The following CSMD1 variants were observed in gnomAD, a reference collection of about 807,000 sequenced individuals.
CSMD1 encodes CUB and Sushi multiple domains 1.
A neutral mutation model predicts 417.5 loss-of-function variants in CSMD1; 213 were observed. The ratio of observed to expected loss-of-function variants is 0.51; its 90% CI spans 0.46 to 0.57. The LOEUF (loss-of-function observed/expected upper bound fraction) is 0.57. Among genes scored for constraint, CSMD1 ranks in the 20% least tolerant of loss-of-function variants. CSMD1 has a pLI of 0.00. For synonymous variants in CSMD1, 2,862 were observed against 1,736.8 expected (o/e 1.65, Z -16.11); for missense variants, 6,923 against 4,529.7 (o/e 1.53, Z -15.17).
intron 3 of CSMD1, among the ~76,000 whole-genome samples, chr8:4,396,138 G>C (rs1258149010): frequency 1.3e-5 from 2 of 152,078 alleles, no homozygotes; most frequent in Non-Finnish European, 2.9e-5. Context: ...GGGAATGTAT[G>C]CTAAATATAG....
At chr8:3,316,551 G>A (rs536203384) in intron 23 of CSMD1, among the ~76,000 whole-genome samples, 14 of 152,136 alleles carry the variant, frequency 9.2e-5, no homozygotes, top group Non-Finnish European at 1.9e-4. Flanking sequence ...GGTTTGAGCA[G>A]GTCTAGGGGC....
At chr8:3,358,826 C>T (rs1036754795) in intron 21 of CSMD1, among the ~76,000 whole-genome samples, 2 of 151,356 alleles carry the variant, frequency 1.3e-5, no homozygotes, top group Non-Finnish European at 2.9e-5. Flanking sequence ...TTCTATCTTC[C>T]AGTTTTTCTT....
chr8:4,053,958 C>G (rs10503230), intron 3 of CSMD1, among the ~76,000 whole-genome samples: 2 of 152,156 alleles, frequency 1.3e-5, no homozygotes, highest in Non-Finnish European at 2.9e-5. Flanking sequence ...TTCTTTATTA[C>G]CGTGCATTCA....
intron 1 of CSMD1, among the ~76,000 whole-genome samples, chr8:4,929,029 C>A (rs2117180975): frequency 6.6e-6 from 1 of 152,244 alleles, no homozygotes; most frequent in Non-Finnish European, 1.5e-5. Context: ...CGAGATTGCA[C>A]CACTGCATTC....
intron 66 of CSMD1, 102 bp from the exon 67 acceptor site, chr8:2,950,445 C>A: frequency 1.4e-6 from 1 of 700,956 alleles, no homozygotes; most frequent in Non-Finnish European, 2.6e-6. Flanking sequence ...ATAATATCAT[C>A]GATAATAGAA....
chr8:3,083,734 C>T (rs575201808), intron 49 of CSMD1, among the ~76,000 whole-genome samples: 1 of 138,322 alleles, frequency 7.2e-6, no homozygotes, highest in South Asian at 2.4e-4. Flanking sequence ...CGGCTCACTG[C>T]AGCCTCTGCC....
chr8:4,919,439 AG>A (rs1806290144), intron 1 of CSMD1, among the ~76,000 whole-genome samples: 1 of 152,220 alleles, frequency 6.6e-6, no homozygotes, highest in Non-Finnish European at 1.5e-5. Flanking sequence ...ACAAAAATTA[AG>A]GGGGATTTAA....
chr8:4,965,287 T>C (rs62489443), intron 1 of CSMD1, among the ~76,000 whole-genome samples: 21,519 of 152,240 alleles, frequency 0.14, 1,872 homozygotes, highest in Middle Eastern at 0.25. Context: ...TGAGTACTTA[T>C]TGTGTATCAG....
chr8:3,956,918 G>T (rs34177648), intron 5 of CSMD1, among the ~76,000 whole-genome samples: 69,048 of 151,874 alleles, frequency 0.45, 16,495 homozygotes, highest in East Asian at 0.73. Context: ...AAACACTAAA[G>T]GCTATTTTCA....
chr8:4,072,037 G>T lies in CSMD1; in HGVS notation c.416-39938C>A, dbSNP rs187420857. ...GTTTTGCTGGTTCAGAAAGAAAGTG[G>T]ATGTTAGGATAGAGTTTTGGTTTTG... On this transcript the variant is annotated intron_variant, in intron 3 of 69. Coordinates refer to ENST00000635120, the MANE Select transcript of CSMD1 (RefSeq NM_033225.6). 1.9e-4 allele frequency among the ~76,000 whole-genome samples: 29 copies of T among 152,272 alleles called. No homozygotes were observed. In the Middle Eastern group the frequency reaches 0.01, roughly 54 times the overall value.
chr8:4,047,257 G>C (rs764324769), intron 3 of CSMD1, among the ~76,000 whole-genome samples: 2 of 152,100 alleles, frequency 1.3e-5, no homozygotes, highest in Non-Finnish European at 2.9e-5. Context: ...TAAGTGGTAG[G>C]CACATGTATT....
chr8:3,109,795 C>T, intron 43 of CSMD1, among the ~76,000 whole-genome samples: 1 of 151,704 alleles, frequency 6.6e-6, no homozygotes, highest in East Asian at 1.9e-4. Context: ...ACACCACACA[C>T]ACAAACACAC....
chr8:3,554,306 TCAA>T (rs1445403908), intron 10 of CSMD1, among the ~76,000 whole-genome samples: 8 of 152,216 alleles, frequency 5.3e-5, no homozygotes, highest in Admixed American at 4.6e-4. Flanking sequence ...CCAGACCAGT[TCAA>T]CATGAAGTCA....
chr8:3,894,296 C>T (rs1484285955), intron 5 of CSMD1, among the ~76,000 whole-genome samples: 2 of 152,166 alleles, frequency 1.3e-5, no homozygotes, highest in Non-Finnish European at 2.9e-5. Flanking sequence ...ACCTGTCTCG[C>T]TCCAGTCTCA....
At chr8:3,847,598 G>C (rs924546820) in intron 5 of CSMD1, among the ~76,000 whole-genome samples, 1 of 152,122 alleles carries the variant, frequency 6.6e-6, no homozygotes, top group African/African-American at 2.4e-5. Flanking sequence ...ACTGGGGTAA[G>C]GGGTCCTTGA....
intron 5 of CSMD1, among the ~76,000 whole-genome samples, chr8:3,846,398 G>A (rs542789763): frequency 2.3e-4 from 35 of 152,226 alleles, no homozygotes; most frequent in African/African-American, 8.2e-4. Flanking sequence ...ATGTGAAATA[G>A]ATAAACATAT....
intron 5 of CSMD1, among the ~76,000 whole-genome samples, chr8:3,996,393 G>C (rs566066416): frequency 6.6e-6 from 1 of 152,186 alleles, no homozygotes; most frequent in African/African-American, 2.4e-5. Flanking sequence ...ATCTTTAAAT[G>C]ATTAGTAGAG....
intron 5 of CSMD1, among the ~76,000 whole-genome samples, chr8:3,991,891 T>C (rs1814777959): frequency 6.6e-6 from 1 of 152,206 alleles, no homozygotes; most frequent in South Asian, 2.1e-4. Context: ...ATGGGAATAG[T>C]AGTATCTCCA....
At chr8:4,572,323 ATCCC>A (rs1054594934) in intron 2 of CSMD1, among the ~76,000 whole-genome samples, 2 of 152,148 alleles carry the variant, frequency 1.3e-5, no homozygotes, top group African/African-American at 4.8e-5. Context: ...TGGTGACAAA[ATCCC>A]CCAGAATTTG....
Sources: gnomAD v4.1 joint callset for allele counts (sites outside exome capture counted in the v4.1 genomes callset) on GRCh38, gnomAD v4.1.1 for gene constraint, MANE v1.5 for transcripts, NCBI Gene and HGNC (gene_info 2026-07-23, HGNC 2026-07-21) for gene names.